LEKR1: variants seen among roughly 807,000 people sequenced by gnomAD.
LEKR1 encodes the protein leucine, glutamate and lysine rich 1.
LEKR1 carries 59 observed loss-of-function variants against 72.4 expected under a neutral mutation model. That is an observed-to-expected ratio of 0.82 (90% confidence interval 0.66 to 1.01). The LOEUF (loss-of-function observed/expected upper bound fraction) is 1.01. LEKR1 is among the 50% of genes least tolerant of loss of function. LEKR1 has a pLI of 0.00. For synonymous variants in LEKR1, 257 were observed against 263.2 expected (o/e 0.98, Z 0.23); for missense variants, 728 against 759.2 (o/e 0.96, Z 0.48).
intron 6 of LEKR1, among the ~76,000 whole-genome samples, chr3:156,946,763 T>C (rs1444998599): frequency 2.0e-5 from 3 of 151,402 alleles, no homozygotes; most frequent in Non-Finnish European, 4.4e-5. Flanking sequence ...TGTTGGACCA[T>C]CCTTGCTTCC....
At chr3:156,846,142 AT>A (rs1249468678) in intron 2 of LEKR1, among the ~76,000 whole-genome samples, 1 of 152,178 alleles carries the variant, frequency 6.6e-6, no homozygotes, top group Non-Finnish European at 1.5e-5. Context: ...GGGTATATAT[AT>A]AAATGCAGTT....
chr3:156,874,459 T>C (rs975725766), intron 3 of LEKR1, among the ~76,000 whole-genome samples: 1 of 152,182 alleles, frequency 6.6e-6, no homozygotes, highest in African/African-American at 2.4e-5. Flanking sequence ...CTAGTAGTTC[T>C]CCTTATAAAA....
intron 12 of LEKR1, among the ~76,000 whole-genome samples, chr3:157,042,516 T>C (rs1211313742): frequency 6.6e-6 from 1 of 152,208 alleles, no homozygotes; most frequent in Admixed American, 6.5e-5. Context: ...CCCATTGAAC[T>C]TGCTATGAGG....
intron 12 of LEKR1, among the ~76,000 whole-genome samples, chr3:157,037,403 C>A (rs937087141): frequency 6.6e-6 from 1 of 151,814 alleles, no homozygotes; most frequent in Non-Finnish European, 1.5e-5. Context: ...GAGAAGGTGG[C>A]AGAGACAAGA....
chr3:157,027,378 T>A (rs368055277), intron 11 of LEKR1, among the ~76,000 whole-genome samples: 2 of 151,830 alleles, frequency 1.3e-5, no homozygotes, highest in Non-Finnish European at 2.9e-5. Flanking sequence ...GAAAAAAAAA[T>A]TATGTTAAAG....
chr3:157,041,582 C>A (rs12629679), intron 12 of LEKR1, among the ~76,000 whole-genome samples: 2,019 of 152,188 alleles, frequency 0.013, 47 homozygotes, highest in East Asian at 0.08. Flanking sequence ...ATATTTCATC[C>A]CAAGGTGTGC....
intron 6 of LEKR1, among the ~76,000 whole-genome samples, chr3:156,966,600 G>A (rs1037342850): frequency 7.9e-5 from 12 of 152,142 alleles, no homozygotes; most frequent in Non-Finnish European, 7.4e-5. Context: ...TGCCATTGCC[G>A]AGGCTTGAGT....
intron 10 of LEKR1, among the ~76,000 whole-genome samples, chr3:157,014,732 C>A (rs555830405): frequency 3.9e-5 from 6 of 151,988 alleles, no homozygotes; most frequent in African/African-American, 1.2e-4. Context: ...GAGTGGCCTG[C>A]GGAGATCATC....
At position 157,045,528 on chromosome 3, in the gene LEKR1, G is replaced by A; in HGVS notation, c.1857G>A (p.Glu619=). Residue 619 remains glutamate (E), a synonymous_variant, in exon 13 of 13, where the codon GAG becomes GAA. Coordinates refer to ENST00000356539, the MANE Select transcript of LEKR1 (RefSeq NM_001004316.3). ...CTGCAGCAGTCAGTAATCATGGAGA[G>A]AGAAGCCTTGCAAGACTGAACTCTG... ...SPAAAVSNHG[E]RSLARLNSEK... 1 of 1,614,162 alleles carries A rather than the reference G, an allele frequency of 6.2e-7. No individual in the cohort carries two copies. Among genetic ancestry groups the A allele is most frequent in the Non-Finnish European group, 8.5e-7 (1 of 1,180,034 alleles).
chr3:156,872,516 C>A (rs181387332), intron 3 of LEKR1, among the ~76,000 whole-genome samples: 4 of 151,928 alleles, frequency 2.6e-5, no homozygotes, highest in South Asian at 4.1e-4. Context: ...TTTTCTAGTT[C>A]TTTCAGATGT....
intron 3 of LEKR1, among the ~76,000 whole-genome samples, chr3:156,866,440 G>A (rs926280251): frequency 6.6e-5 from 10 of 152,016 alleles, no homozygotes; most frequent in Non-Finnish European, 1.0e-4. Context: ...TGAGATTACT[G>A]TGAGGATGAG....
At chr3:156,967,884 G>C (rs1728778173) in intron 6 of LEKR1, among the ~76,000 whole-genome samples, 2 of 152,162 alleles carry the variant, frequency 1.3e-5, no homozygotes, top group African/African-American at 4.8e-5. Context: ...AGAAAGGTCG[G>C]GTTACCCACA....
At chr3:156,830,868 A>G (rs344074) in intron 2 of LEKR1, among the ~76,000 whole-genome samples, 107,696 of 152,136 alleles carry the variant, frequency 0.71, 40,573 homozygotes, top group East Asian at 0.94. Flanking sequence ...AACAGGGGAA[A>G]CATCTTTTGC....
chr3:156,876,402 A>G (rs1025973197), intron 3 of LEKR1, among the ~76,000 whole-genome samples: 10 of 152,158 alleles, frequency 6.6e-5, no homozygotes, highest in Admixed American at 1.3e-4. Context: ...ATTGCTTTGA[A>G]TCTATGGATT....
chr3:156,939,837 T>C (rs1726044595), intron 5 of LEKR1, among the ~76,000 whole-genome samples: 1 of 152,172 alleles, frequency 6.6e-6, no homozygotes, highest in Admixed American at 6.6e-5. Context: ...CCAACACAAC[T>C]GTTGACTGAA....
In LEKR1 at chr3:156,927,367, TG is replaced by T. The variant is rs1724815876; in HGVS notation, c.384-61del. 11 of 670,170 alleles carry T rather than the reference TG, an allele frequency of 1.6e-5. No individual in the cohort carries two copies. In the South Asian group the frequency reaches 2.7e-4, roughly 16 times the overall value. 41.5% of individuals were successfully genotyped at this position (670,170 alleles called of 1,614,324 possible). On this transcript the variant is annotated intron_variant, in intron 4 of 12. Transcript: ENST00000356539. ...TATATGGTCACTCTAAAACTATTTT[TG>T]AAGAAATGTTTGTTATGCTTACTAT...
chr3:156,926,455 A>G (rs1006169546), intron 4 of LEKR1, among the ~76,000 whole-genome samples: 1 of 152,026 alleles, frequency 6.6e-6, no homozygotes, highest in African/African-American at 2.4e-5. Flanking sequence ...GCAGACTTAA[A>G]CACTGATCAC....
chr3:156,942,762 A>C lies in LEKR1; in HGVS notation c.745+48A>C, dbSNP rs182633296. On this transcript the variant is annotated intron_variant, in intron 6 of 12. Transcript: ENST00000356539. ...TTTTGGTGACTAGTTATATAAGTAC[A>C]TGAATAAATGTTTACATTTTTACTT... 4.1e-4 allele frequency: 330 copies of C among 800,390 alleles called. 2 individuals carry two copies. The Admixed American group carries it at 0.013, about 31-fold the overall frequency. The allele number at this position is 800,390 out of a possible 1,614,324, so 49.6% of individuals were successfully genotyped here. A position where few individuals can be genotyped will look rare whatever the true frequency, so the allele number is the denominator to read the frequency against.
At chr3:156,962,260 A>G (rs565583858) in intron 6 of LEKR1, among the ~76,000 whole-genome samples, 39 of 152,322 alleles carry the variant, frequency 2.6e-4, no homozygotes, top group African/African-American at 8.4e-4. Flanking sequence ...GAACTGTTGG[A>G]CTTTAGTTGG....
Sources: allele counts gnomAD v4.1 joint callset (sites outside exome capture counted in the v4.1 genomes callset), GRCh38; gene constraint gnomAD v4.1.1; transcripts MANE v1.5; gene names NCBI Gene and HGNC (gene_info 2026-07-23, HGNC 2026-07-21).